TNIK: variants seen among roughly 807,000 people sequenced by gnomAD.
TNIK encodes the protein TRAF2 and NCK interacting kinase.
TNIK carries 49 observed loss-of-function variants against 191.3 expected under a neutral mutation model. That is an observed-to-expected ratio of 0.26 (90% CI 0.20 to 0.32). TNIK has a LOEUF of 0.32. Among genes scored for constraint, TNIK ranks in the 10% least tolerant of loss-of-function variants. The probability of loss-of-function intolerance (pLI) is 1.00; values close to 1 mark genes in which losing one functional copy is unlikely to be tolerated. For missense variants in TNIK, 1,155 were observed against 1,702.3 expected, an observed-to-expected ratio of 0.68 and a Z score of 5.66; for synonymous variants, 594 against 600.9, an observed-to-expected ratio of 0.99 and a Z score of 0.17.
Position 171,160,357 on chromosome 3 carries a change from G to T in TNIK, c.1016+913C>A, listed in dbSNP as rs1346099582. On this transcript the variant is annotated intron_variant, in intron 11 of 32. Transcript: ENST00000436636. Reference sequence around the variant, plus strand: ...ACATGGTATCTGGCTCATTCTAGCAGTGGTGGCTAAGCTGGCCCCTTTTCT... The same window carrying T: ...ACATGGTATCTGGCTCATTCTAGCATTGGTGGCTAAGCTGGCCCCTTTTCT... Among the ~76,000 whole-genome samples, 7 of 152,112 alleles carry T rather than the reference G, an allele frequency of 4.6e-5. No individual in the cohort carries two copies. The East Asian group carries it at 9.7e-4, about 21-fold the overall frequency.
chr3:171,366,596 CTT>C lies in TNIK; in HGVS notation c.123+3022_123+3023del, dbSNP rs1369524403. On this transcript the variant is annotated intron_variant, in intron 2 of 32. Transcript: ENST00000436636. This position sits in a 1 kb window ranked among gnomAD's most constrained non-coding sequence, Gnocchi z 4.1. ...CTTAGGGCAGCTTATAAAAAAGAAACTTATAATAAATTTTTCCATAAAATAAG... is the reference window on the plus strand; with the variant it reads ...CTTAGGGCAGCTTATAAAAAAGAAACATAATAAATTTTTCCATAAAATAAG... 6.6e-6 allele frequency among the ~76,000 whole-genome samples: 1 copy of C among 151,892 alleles called. No individual in the cohort carries two copies. The highest frequency in any genetic ancestry group is 1.5e-5 in the Non-Finnish European group (1 of 67,988).
At chr3:171,110,269 T>G (rs1411349464) in intron 19 of TNIK, among the ~76,000 whole-genome samples, 1 of 152,220 alleles carries the variant, frequency 6.6e-6, no homozygotes, top group East Asian at 1.9e-4. Flanking sequence ...CATTAGTCTT[T>G]ACTGAATTTC....
intron 26 of TNIK, chr3:171,082,619 A>T (rs964567296): frequency 1.9e-6 from 1 of 517,686 alleles, no homozygotes; most frequent in Non-Finnish European, 3.3e-6. Context: ...GCATTCATAC[A>T]TCTAGTTATT....
intron 2 of TNIK, among the ~76,000 whole-genome samples, chr3:171,348,425 A>C (rs917065397): frequency 6.6e-6 from 1 of 152,170 alleles, no homozygotes; most frequent in Non-Finnish European, 1.5e-5. Flanking sequence ...CACCGAGTGA[A>C]GCCTTTAGAT....
chr3:171,102,662 A>G (rs1169221624), intron 21 of TNIK, among the ~76,000 whole-genome samples: 1 of 152,190 alleles, frequency 6.6e-6, no homozygotes, highest in Non-Finnish European at 1.5e-5. Flanking sequence ...TGTGGGAATC[A>G]GAGCATTCAG....
chr3:171,328,252 A>G (rs1201060525), intron 2 of TNIK, among the ~76,000 whole-genome samples: 1 of 152,192 alleles, frequency 6.6e-6, no homozygotes, highest in Non-Finnish European at 1.5e-5. Context: ...ACCAGGAGGC[A>G]GACCCTTACC....
chr3:171,119,835 T>C (rs1180874341), intron 18 of TNIK, among the ~76,000 whole-genome samples: 1 of 152,002 alleles, frequency 6.6e-6, no homozygotes, highest in African/African-American at 2.4e-5. Flanking sequence ...CATTAGGAGA[T>C]ATAGCTAATG....
intron 21 of TNIK, among the ~76,000 whole-genome samples, chr3:171,104,069 AAC>A (rs1724167397): frequency 6.9e-6 from 1 of 145,102 alleles, no homozygotes; most frequent in African/African-American, 2.8e-5. Context: ...ATAACAATTA[AAC>A]TTAAAGGAAA....
chr3:171,220,643 G>A (rs1022984650), intron 3 of TNIK, among the ~76,000 whole-genome samples: 12 of 152,010 alleles, frequency 7.9e-5, no homozygotes, highest in South Asian at 2.1e-4. Context: ...GAACAGCCCC[G>A]TCAGTGATTC....
intron 2 of TNIK, among the ~76,000 whole-genome samples, chr3:171,304,043 G>A (rs2108278738): frequency 6.6e-6 from 1 of 151,324 alleles, no homozygotes; most frequent in Non-Finnish European, 1.5e-5. Flanking sequence ...ACCATGAGAG[G>A]AGGTGGGGGT....
intron 22 of TNIK, among the ~76,000 whole-genome samples, chr3:171,101,244 C>T (rs1313939296): frequency 2.0e-5 from 3 of 151,950 alleles, no homozygotes; most frequent in Non-Finnish European, 1.5e-5. Flanking sequence ...TGTATGCAGT[C>T]CAAAAATGCT....
At chr3:171,376,746 TGATA>T (rs3084308) in intron 1 of TNIK, among the ~76,000 whole-genome samples, 42,556 of 148,570 alleles carry the variant, frequency 0.29, 6,057 homozygotes, top group Non-Finnish European at 0.33. Context: ...GATAGATAGA[TGATA>T]GATAGATAGA....
Position 171,460,204 on chromosome 3 carries a change from GC to G in TNIK, c.-142del. 1 of 1,036,670 alleles carries G rather than the reference GC, an allele frequency of 9.6e-7. No homozygotes were observed. The highest frequency in any genetic ancestry group is 1.4e-6 in the Non-Finnish European group (1 of 710,632). The allele number at this position is 1,036,670 out of a possible 1,614,324, so 64.2% of individuals were successfully genotyped here. On this transcript the variant is annotated 5_prime_UTR_variant, in exon 1 of 33. Coordinates refer to ENST00000436636, the MANE Select transcript of TNIK (RefSeq NM_015028.4). The surrounding 1 kb of genome is among the most constrained non-coding windows in gnomAD (Gnocchi z 6.8). The stretch of plus-strand genomic sequence containing the variant: ...GGCCCAGCCTCCCCCGCCCACCCCA[GC>G]CCCACAGCGCCGGATCCCGATCCTC...
At chr3:171,291,842 T>C (rs1751714005) in intron 2 of TNIK, among the ~76,000 whole-genome samples, 1 of 152,210 alleles carries the variant, frequency 6.6e-6, no homozygotes, top group South Asian at 2.1e-4. Context: ...TCTTTCTCCT[T>C]TCCTTCTGAA....
Position 171,093,899 on chromosome 3 carries a change from G to A in TNIK, c.2661C>T (p.Thr887=). 2 of 1,613,894 alleles carry A rather than the reference G, an allele frequency of 1.2e-6. No homozygotes were observed. Among genetic ancestry groups the A allele is most frequent in the East Asian group, 2.2e-5 (1 of 44,874 alleles). Reference sequence around the variant, plus strand: ...TGCCGCTGAAACTGTCCGCATGAGAGGTCTCCAGCCCATGCGTCCCCACCA... The same window carrying A: ...TGCCGCTGAAACTGTCCGCATGAGAAGTCTCCAGCCCATGCGTCCCCACCA... ...VGMVGTHGLE[T]SHADSFSGSI... Residue 887 remains threonine, a synonymous_variant, in exon 23 of 33, where the codon ACC becomes ACT. Coordinates refer to ENST00000436636, the MANE Select transcript of TNIK (RefSeq NM_015028.4).
intron 1 of TNIK, among the ~76,000 whole-genome samples, chr3:171,382,595 G>A (rs1210043231): frequency 1.3e-5 from 2 of 152,158 alleles, no homozygotes; most frequent in Non-Finnish European, 2.9e-5. Flanking sequence ...GAAGCTGGCT[G>A]GGGCCACATG....
intron 12 of TNIK, among the ~76,000 whole-genome samples, chr3:171,142,833 C>T (rs1423097222): frequency 2.0e-5 from 3 of 152,110 alleles, no homozygotes; most frequent in Non-Finnish European, 4.4e-5. Context: ...GGAAATAGCA[C>T]TAATTTAGCT....
chr3:171,082,435 A>G (rs1462477088), intron 26 of TNIK, 41 bp from the exon 27 acceptor site: 1 of 1,593,690 alleles, frequency 6.3e-7, no homozygotes, highest in East Asian at 2.2e-5. Context: ...CTTTTCATGA[A>G]CTTTAATCTT....
intron 15 of TNIK, among the ~76,000 whole-genome samples, chr3:171,133,224 G>T (rs764331793): frequency 6.6e-6 from 1 of 152,166 alleles, no homozygotes; most frequent in African/African-American, 2.4e-5. Flanking sequence ...CCAGAAAAAC[G>T]TATAGATCCC....
Sources: gnomAD v4.1 joint callset for allele counts (sites outside exome capture counted in the v4.1 genomes callset) on GRCh38, gnomAD v4.1.1 for gene constraint, Gnocchi (gnomAD v3.1) non-coding constraint, MANE v1.5 for transcripts, NCBI Gene and HGNC (gene_info 2026-07-23, HGNC 2026-07-21) for gene names.